Variants in PLEKHB2 observed in about 807,000 individuals in gnomAD.
PLEKHB2 encodes the protein pleckstrin homology domain containing B2, also known as pleckstrin homology domain-containing family B member 2.
In PLEKHB2, 31 loss-of-function variants were observed where a neutral mutation model predicts 36.5. That is an observed-to-expected ratio of 0.85 (90% CI 0.64 to 1.15). The LOEUF is 1.15. PLEKHB2 is among the 50% of genes most tolerant of loss of function. PLEKHB2 has a pLI of 0.00. For synonymous variants in PLEKHB2, 119 were observed against 112.0 expected, an observed-to-expected ratio of 1.06 and a Z score of -0.39; for missense variants, 262 against 295.3, an observed-to-expected ratio of 0.89 and a Z score of 0.83.
intron 1 of PLEKHB2, among the ~76,000 whole-genome samples, chr2:131,115,648 C>G (rs1245524146): frequency 6.6e-6 from 1 of 152,004 alleles, no homozygotes; most frequent in Non-Finnish European, 1.5e-5. Context: ...CTACTGCGCC[C>G]TCCAGAAGGT....
chr2:131,139,116 T>G (rs1698537983), intron 6 of PLEKHB2, among the ~76,000 whole-genome samples: 1 of 152,196 alleles, frequency 6.6e-6, no homozygotes, highest in South Asian at 2.1e-4. Flanking sequence ...GCCCCTTTCC[T>G]TCTTAGATTC....
chr2:131,140,728 C>T (rs1698702330), intron 7 of PLEKHB2, among the ~76,000 whole-genome samples: 1 of 152,218 alleles, frequency 6.6e-6, no homozygotes, highest in Admixed American at 6.5e-5. Flanking sequence ...TTCTGTTCTT[C>T]ACCTCACATG....
chr2:131,110,252 G>A (rs1161170076), intron 1 of PLEKHB2, among the ~76,000 whole-genome samples: 1 of 151,472 alleles, frequency 6.6e-6, no homozygotes, highest in Non-Finnish European at 1.5e-5. Context: ...TCAAAAACTT[G>A]TAGGAAATTT....
chr2:131,122,233 T>G (rs1332026326), intron 2 of PLEKHB2, among the ~76,000 whole-genome samples: 3 of 152,104 alleles, frequency 2.0e-5, no homozygotes, highest in Non-Finnish European at 4.4e-5. Flanking sequence ...TGTTTTAAAG[T>G]GGGAAGAACC....
At chr2:131,141,956 AC>A (rs1698829938) in intron 7 of PLEKHB2, among the ~76,000 whole-genome samples, 1 of 152,206 alleles carries the variant, frequency 6.6e-6, no homozygotes, top group African/African-American at 2.4e-5. Context: ...TAAAATAATT[AC>A]CTAGTTATTT....
chr2:131,118,857 G>C (rs1283528208), intron 1 of PLEKHB2: 1 of 81,776 alleles, frequency 1.2e-5, no homozygotes, highest in Admixed American at 2.3e-4. Context: ...GACAGAGCAA[G>C]ATTCCGTCTC....
intron 2 of PLEKHB2, among the ~76,000 whole-genome samples, chr2:131,125,279 C>T (rs1462999609): frequency 6.6e-6 from 1 of 152,152 alleles, no homozygotes; most frequent in Non-Finnish European, 1.5e-5. Flanking sequence ...GAAAAGCAAG[C>T]TTTTTAATAG....
At position 131,148,753 on chromosome 2, in the gene PLEKHB2, A is replaced by AT. The variant is rs1177260093; in HGVS notation, c.*1981dup. 1.3e-5 allele frequency: 2 copies of AT among 152,204 alleles called. No individual in the cohort carries two copies. The highest frequency in any genetic ancestry group is 4.8e-5 in the African/African-American group (2 of 41,452). The allele number at this position is 152,204 out of a possible 1,614,324, so 9.4% of individuals were successfully genotyped here. The stretch of plus-strand genomic sequence containing the variant: ...ATGTCTGTTTATCTCTCATCTCTGA[A>AT]TAGATGTATGACAACTCTAGTGTCC... On this transcript the variant is annotated 3_prime_UTR_variant, in exon 8 of 8. Transcript: ENST00000693505.
intron 5 of PLEKHB2, among the ~76,000 whole-genome samples, chr2:131,131,078 C>T (rs1194081942): frequency 2.0e-5 from 3 of 152,328 alleles, no homozygotes; most frequent in Middle Eastern, 3.4e-3. Flanking sequence ...CATGAGCCAC[C>T]ACACCCGGCC....
At chr2:131,142,747 G>C (rs1407915538) in intron 7 of PLEKHB2, among the ~76,000 whole-genome samples, 2 of 151,670 alleles carry the variant, frequency 1.3e-5, no homozygotes, top group African/African-American at 4.8e-5. Context: ...TAGTAGAGAT[G>C]GTTTCACCCT....
intron 5 of PLEKHB2, 127 bp downstream of exon 5, chr2:131,130,887 C>T (rs1252123196): frequency 1.8e-5 from 12 of 665,586 alleles, no homozygotes; most frequent in Non-Finnish European, 2.9e-5. Context: ...CTCAAGTAGT[C>T]CTCCCACCTC....
At chr2:131,107,422 G>A (rs1694847619) in intron 1 of PLEKHB2, 1 of 152,226 alleles carries the variant, frequency 6.6e-6, no homozygotes, top group Non-Finnish European at 1.5e-5. Context: ...ACCTCTACAT[G>A]TTGATGGGTC....
At chr2:131,130,193 G>A (rs952906860) in intron 4 of PLEKHB2, among the ~76,000 whole-genome samples, 4 of 151,844 alleles carry the variant, frequency 2.6e-5, no homozygotes, top group African/African-American at 7.3e-5. Context: ...GCAGGCATGC[G>A]CCACCATGCC....
rs1474024410 is a variant in PLEKHB2, at chr2:131,122,705, C to T, written c.37+1727C>T. ...TTATATGCACCCAGAGACCGGTCTT[C>T]AGCCTGTGTGTCTGTGACTAGTTCC... On this transcript the variant is annotated intron_variant, in intron 2 of 7. Transcript: ENST00000693505. 9.2e-5 allele frequency among the ~76,000 whole-genome samples: 14 copies of T among 152,200 alleles called. No homozygotes were observed. In the East Asian group the frequency reaches 2.7e-3, roughly 29 times the overall value.
intron 7 of PLEKHB2, among the ~76,000 whole-genome samples, chr2:131,142,882 C>G (rs188237209): frequency 3.3e-5 from 5 of 152,064 alleles, no homozygotes; most frequent in Admixed American, 6.5e-5. Context: ...TTTTCTCCCC[C>G]CCAACTAGAC....
At chr2:131,143,790 C>T (rs1481570550) in intron 7 of PLEKHB2, among the ~76,000 whole-genome samples, 2 of 152,206 alleles carry the variant, frequency 1.3e-5, no homozygotes, top group Admixed American at 6.5e-5. Flanking sequence ...GAGAGCCAGC[C>T]TCTTTCTCAG....
intron 7 of PLEKHB2, among the ~76,000 whole-genome samples, chr2:131,144,651 A>C (rs539847400): frequency 6.6e-6 from 1 of 152,320 alleles, no homozygotes; most frequent in South Asian, 2.1e-4. Flanking sequence ...ATGTAATATT[A>C]GTTAAATTAG....
chr2:131,131,267 T>C (rs1369247557), intron 5 of PLEKHB2, among the ~76,000 whole-genome samples: 20 of 152,224 alleles, frequency 1.3e-4, no homozygotes, highest in Admixed American at 1.3e-3. Context: ...GGCATGCTTG[T>C]TCCAGTGTTG....
intron 1 of PLEKHB2, among the ~76,000 whole-genome samples, chr2:131,119,422 C>A (rs1696235966): frequency 6.6e-6 from 1 of 152,220 alleles, no homozygotes; most frequent in South Asian, 2.1e-4. Flanking sequence ...CAGCCTGCAG[C>A]ACATGCTGCT....
Sources: allele counts gnomAD v4.1 joint callset (sites outside exome capture counted in the v4.1 genomes callset), GRCh38; gene constraint gnomAD v4.1.1; transcripts MANE v1.5; gene names NCBI Gene and HGNC (gene_info 2026-07-23, HGNC 2026-07-21).